The following ST6GAL2 variants were observed in gnomAD, a reference collection of about 807,000 sequenced individuals.
ST6GAL2 encodes beta-galactoside alpha-2,6-sialyltransferase 2.
Under a neutral mutation model 37.5 loss-of-function variants are expected in ST6GAL2, and 24 were observed. That is an observed-to-expected ratio of 0.64 (90% CI 0.46 to 0.90). The LOEUF is 0.90. Among genes scored for constraint, ST6GAL2 ranks in the 40% least tolerant of loss-of-function variants. The probability of loss-of-function intolerance (pLI) is 0.00; values close to 1 mark genes in which losing one functional copy is unlikely to be tolerated. For missense variants in ST6GAL2, 715 were observed against 712.7 expected (o/e 1.00, Z -0.04); for synonymous variants, 306 against 295.1 (o/e 1.04, Z -0.38).
chr2:106,849,070 G>A (rs114800204), intron 1 of ST6GAL2, among the ~76,000 whole-genome samples: 5,525 of 152,228 alleles, frequency 0.036, 144 homozygotes, highest in Non-Finnish European at 0.056. Flanking sequence ...TAACTTCTCC[G>A]TTTTGGAAAC....
At chr2:106,846,310 T>C (rs997664987) in intron 1 of ST6GAL2, among the ~76,000 whole-genome samples, 4 of 152,236 alleles carry the variant, frequency 2.6e-5, no homozygotes, top group Non-Finnish European at 5.9e-5. Context: ...TTTATATACC[T>C]ATATATGTAT....
intron 1 of ST6GAL2, among the ~76,000 whole-genome samples, chr2:106,870,651 G>C (rs1482028446): frequency 2.0e-5 from 3 of 152,132 alleles, no homozygotes; most frequent in Non-Finnish European, 4.4e-5. Flanking sequence ...TGGGTTTCCT[G>C]AAGAGTGCAA....
chr2:106,813,350 C>A, intron 5 of ST6GAL2: 1 of 577,452 alleles, frequency 1.7e-6, no homozygotes, highest in Non-Finnish European at 2.6e-6. Context: ...ATTATCAAAC[C>A]ATTTAAAAAG....
chr2:106,852,895 C>T (rs950982828), intron 1 of ST6GAL2, among the ~76,000 whole-genome samples: 6 of 152,156 alleles, frequency 3.9e-5, no homozygotes, highest in Non-Finnish European at 7.3e-5. Flanking sequence ...GTATCTAGCA[C>T]CTCACTCACA....
At chr2:106,860,515 T>C (rs560749633) in intron 1 of ST6GAL2, among the ~76,000 whole-genome samples, 2 of 152,114 alleles carry the variant, frequency 1.3e-5, no homozygotes, top group Non-Finnish European at 2.9e-5. Context: ...ACATCTCACA[T>C]GGAGGAAACA....
chr2:106,883,819 TTATTATCATGCA>T, intron 1 of ST6GAL2, among the ~76,000 whole-genome samples: 1 of 152,366 alleles, frequency 6.6e-6, no homozygotes, highest in Middle Eastern at 3.4e-3. Flanking sequence ...AAGACTGTCC[TTATTATCATGCA>T]TAAGATATTT....
Position 106,843,211 on chromosome 2 carries a change from C to T in ST6GAL2, c.767G>A (p.Arg256Gln), listed in dbSNP as rs1171387380. 1 of 1,559,278 alleles carries T rather than the reference C, an allele frequency of 6.4e-7. No individual in the cohort carries two copies. Among genetic ancestry groups the T allele is most frequent in the East Asian group, 2.4e-5 (1 of 42,262 alleles). The change falls in exon 2 of 6, where the codon CGG (arginine) becomes CAG (glutamine). Residue 256 changes from arginine (R) to glutamine (Q), a missense_variant. Coordinates refer to ENST00000409382, the MANE Select transcript of ST6GAL2 (RefSeq NM_001142351.2). ...CAGCGTCCGCACGCGCGCGCGGCTCCGCAGCTGGCACAGCAGCTGTGCCCT... is the reference window on the plus strand; with the variant it reads ...CAGCGTCCGCACGCGCGCGCGGCTCTGCAGCTGGCACAGCAGCTGTGCCCT... ...LSRAQLLCQL[R>Q]SRARVRTLDG... is the part of the protein sequence containing the mutation.
At chr2:106,867,867 ACTTT>A (rs1187760945) in intron 1 of ST6GAL2, among the ~76,000 whole-genome samples, 16 of 152,208 alleles carry the variant, frequency 1.1e-4, no homozygotes, top group African/African-American at 2.9e-4. Flanking sequence ...TCTATCCAGG[ACTTT>A]CTTTCTTTTC....
At chr2:106,846,599 C>T (rs1333850408) in intron 1 of ST6GAL2, among the ~76,000 whole-genome samples, 3 of 152,184 alleles carry the variant, frequency 2.0e-5, no homozygotes, top group Non-Finnish European at 2.9e-5. Context: ...TCTAGCATCT[C>T]AGAGGGATTC....
intron 1 of ST6GAL2, among the ~76,000 whole-genome samples, chr2:106,860,662 G>A (rs1381144153): frequency 5.3e-5 from 8 of 152,030 alleles, no homozygotes; most frequent in Non-Finnish European, 1.2e-4. Context: ...CATATCCATT[G>A]TGATATGGAA....
At chr2:106,817,724 A>G (rs1231692292) in intron 5 of ST6GAL2, among the ~76,000 whole-genome samples, 2 of 152,192 alleles carry the variant, frequency 1.3e-5, no homozygotes, top group Non-Finnish European at 2.9e-5. Flanking sequence ...CTTGCAGCAA[A>G]GGTACCAGCT....
In ST6GAL2 at chr2:106,843,967, T is replaced by C; in HGVS notation, c.11A>G (p.His4Arg). 1 of 1,575,700 alleles carries C rather than the reference T, an allele frequency of 6.3e-7. No homozygotes were observed. Among genetic ancestry groups the C allele is most frequent in the Non-Finnish European group, 8.6e-7 (1 of 1,162,592 alleles). MKP[H>R]LKQWRQRMLF... The stretch of plus-strand genomic sequence containing the variant: ...CATTCGTTGTCTCCATTGCTTCAAG[T>C]GTGGTTTCATGGCAGGTCTCTGCGG... Residue 4 changes from histidine to arginine, a missense_variant, in exon 2 of 6, where the codon CAC becomes CGC. Physicochemically the swap from His to Arg is conservative, Grantham distance 29. This residue lies in a region of ST6GAL2 where 512 missense variants were observed against 488.8 expected (regional missense o/e 1.05). Coordinates refer to ENST00000409382, the MANE Select transcript of ST6GAL2 (RefSeq NM_001142351.2).
intron 1 of ST6GAL2, among the ~76,000 whole-genome samples, chr2:106,858,202 G>C (rs941694060): frequency 6.6e-6 from 1 of 152,136 alleles, no homozygotes; most frequent in Non-Finnish European, 1.5e-5. Flanking sequence ...CTTTACTCAT[G>C]TTTTTTACTC....
In ST6GAL2 at chr2:106,806,085, A is replaced by T. The variant is rs76479473; in HGVS notation, c.*593T>A. On this transcript the variant is annotated 3_prime_UTR_variant, in exon 6 of 6. Coordinates refer to ENST00000409382, the MANE Select transcript of ST6GAL2 (RefSeq NM_001142351.2). ...CTCTGTCTTGATGCACAGAAAGCAAAGCATTCAGTGGGCAATGGGAGGCAG... is the reference window on the plus strand; with the variant it reads ...CTCTGTCTTGATGCACAGAAAGCAATGCATTCAGTGGGCAATGGGAGGCAG... The T allele has an allele frequency of 0.035, 5,339 of 152,712 alleles. 115 individuals carry two copies. The highest frequency in any genetic ancestry group is 0.089 in the South Asian group (429 of 4,832). The allele number at this position is 152,712 out of a possible 1,614,324, so 9.5% of individuals were successfully genotyped here. A position where few individuals can be genotyped will look rare whatever the true frequency, so the allele number is the denominator to read the frequency against.
chr2:106,887,270 T>G (rs1212460193), upstream of ST6GAL2, among the ~76,000 whole-genome samples: 2 of 151,862 alleles, frequency 1.3e-5, no homozygotes, highest in East Asian at 3.9e-4. Context: ...TCAACCAGGC[T>G]CCGCACTGCC....
intron 2 of ST6GAL2, among the ~76,000 whole-genome samples, chr2:106,837,499 G>A (rs1676696137): frequency 1.3e-5 from 2 of 152,202 alleles, no homozygotes; most frequent in Admixed American, 1.3e-4. Flanking sequence ...CAAAGGCTAA[G>A]GGTAAGCTTA....
chr2:106,851,130 A>G (rs193211364), intron 1 of ST6GAL2, among the ~76,000 whole-genome samples: 93 of 152,340 alleles, frequency 6.1e-4, no homozygotes, highest in Non-Finnish European at 1.0e-3. Context: ...TTACCTGGCA[A>G]TGCAAAGGTC....
intron 1 of ST6GAL2, among the ~76,000 whole-genome samples, chr2:106,865,382 T>C (rs1188212623): frequency 6.6e-6 from 1 of 151,948 alleles, no homozygotes; most frequent in African/African-American, 2.4e-5. Flanking sequence ...ATGCTTAGAG[T>C]TTCTACAGGG....
At chr2:106,871,944 A>T (rs1678286412) in intron 1 of ST6GAL2, among the ~76,000 whole-genome samples, 1 of 152,240 alleles carries the variant, frequency 6.6e-6, no homozygotes, top group Admixed American at 6.5e-5. Flanking sequence ...CCATTACTTT[A>T]TTGTTTATAA....
Sources: gnomAD v4.1 joint callset for allele counts (sites outside exome capture counted in the v4.1 genomes callset) on GRCh38, gnomAD v4.1.1 for gene constraint, gnomAD v4.1.1 regional missense constraint, MANE v1.5 for transcripts, NCBI Gene and HGNC (gene_info 2026-07-23, HGNC 2026-07-21) for gene names.